SMARCA2: variants seen among roughly 807,000 people sequenced by gnomAD.
The protein encoded by SMARCA2 is SWI/SNF-related matrix-associated actin-dependent regulator of chromatin subfamily A member 2.
In SMARCA2, 61 loss-of-function variants were observed where a neutral mutation model predicts 199.8. The observed-to-expected ratio is 0.31, with a 90% CI of 0.25 to 0.38. The LOEUF (loss-of-function observed/expected upper bound fraction) is 0.38, where lower values mean the gene tolerates loss of function less well. Ranked by LOEUF, SMARCA2 falls within the 10% of genes least tolerant of loss-of-function variation. SMARCA2 has a pLI of 1.00. For missense variants in SMARCA2, 1,344 were observed against 2,012.2 expected (o/e 0.67, Z 6.35); for synonymous variants, 935 against 732.0 (o/e 1.28, Z -4.48).
In SMARCA2 at chr9:2,110,541, G is replaced by C; in HGVS notation, c.3456+124G>C. On this transcript the variant is annotated intron_variant, in intron 24 of 33. Transcript: ENST00000349721. The surrounding 1 kb of genome is among the most constrained non-coding windows in gnomAD (Gnocchi z 4.8). ...AAACGAGTGGGCTGTTGCTTTCTTG[G>C]AGCCAATTCTTCTGGCTGTTTTCTT... is the stretch of plus-strand genomic sequence containing the variant. 1.4e-6 allele frequency: 1 copy of C among 699,808 alleles called. No homozygotes were observed. 43.3% of individuals were successfully genotyped at this position (699,808 alleles called of 1,614,324 possible).
At chr9:2,107,715 G>T (rs1777652692) in intron 23 of SMARCA2, among the ~76,000 whole-genome samples, 1 of 152,070 alleles carries the variant, frequency 6.6e-6, no homozygotes. Context: ...AATTTTATTT[G>T]GATATTCCTT....
At chr9:2,074,736 G>T (rs1020134453) in intron 12 of SMARCA2, among the ~76,000 whole-genome samples, 1 of 152,154 alleles carries the variant, frequency 6.6e-6, no homozygotes, top group Admixed American at 6.5e-5. Context: ...GCGTGGTGAC[G>T]CATGCCCGCA....
intron 27 of SMARCA2, chr9:2,160,317 G>A (rs983010931): frequency 2.0e-5 from 8 of 405,166 alleles, no homozygotes; most frequent in South Asian, 1.0e-4. Context: ...ATTGTCTTTT[G>A]ATTATTAAGG....
At chr9:2,172,398 G>A (rs1407825748) in intron 29 of SMARCA2, among the ~76,000 whole-genome samples, 1 of 151,798 alleles carries the variant, frequency 6.6e-6, no homozygotes, top group Non-Finnish European at 1.5e-5. Flanking sequence ...TGTGAGCAGA[G>A]TGGGAGTTTC....
chr9:2,152,586 T>C (rs1825133815), intron 27 of SMARCA2, among the ~76,000 whole-genome samples: 1 of 151,306 alleles, frequency 6.6e-6, no homozygotes, highest in Non-Finnish European at 1.5e-5. Flanking sequence ...GTGCATTGGC[T>C]CACACCTGTA....
intron 14 of SMARCA2, among the ~76,000 whole-genome samples, chr9:2,078,238 G>T (rs1048199000): frequency 6.6e-6 from 1 of 152,156 alleles, no homozygotes; most frequent in Non-Finnish European, 1.5e-5. Context: ...TTGGGAGGCT[G>T]AGGTGGGTGG....
chr9:2,097,286 TG>T, intron 20 of SMARCA2, 98 bp from the exon 21 acceptor site: 1 of 738,496 alleles, frequency 1.4e-6, no homozygotes, highest in South Asian at 1.8e-5. Context: ...AAAAAACCTA[TG>T]GTCCTTTGTC....
At chr9:2,078,048 T>A (rs535012695) in intron 14 of SMARCA2, among the ~76,000 whole-genome samples, 11 of 152,334 alleles carry the variant, frequency 7.2e-5, no homozygotes, top group African/African-American at 2.4e-4. Flanking sequence ...CCAGCCACAT[T>A]CTATTAAACT....
At chr9:2,033,271 T>G (rs1201034576) in intron 3 of SMARCA2, 190 bp downstream of exon 3, 4 of 564,708 alleles carry the variant, frequency 7.1e-6, no homozygotes, top group Non-Finnish European at 1.2e-5. Flanking sequence ...GAAATTTTAT[T>G]TCCGAAGTCC....
At chr9:2,038,878 G>A (rs1490962000) in intron 3 of SMARCA2, among the ~76,000 whole-genome samples, 2 of 152,256 alleles carry the variant, frequency 1.3e-5, no homozygotes, top group South Asian at 2.1e-4. Context: ...TTCATAACAT[G>A]CATAATAATA....
intron 28 of SMARCA2, among the ~76,000 whole-genome samples, chr9:2,165,413 G>C (rs1023584274): frequency 1.6e-4 from 25 of 152,124 alleles, no homozygotes; most frequent in African/African-American, 5.6e-4. Context: ...TTTTAAAAAG[G>C]AGGGTGCTTC....
intron 27 of SMARCA2, among the ~76,000 whole-genome samples, chr9:2,139,059 T>C (rs1335873092): frequency 6.6e-6 from 1 of 152,212 alleles, no homozygotes; most frequent in Admixed American, 6.5e-5. Context: ...AGATGAGTCC[T>C]GTGTGCTGAC....
intron 27 of SMARCA2, among the ~76,000 whole-genome samples, chr9:2,136,754 A>G (rs1824213787): frequency 3.3e-5 from 5 of 152,204 alleles, no homozygotes. Flanking sequence ...TGTCAAGAGC[A>G]GGTCTCCAAG....
At chr9:2,037,293 C>G (rs1819376881) in intron 3 of SMARCA2, among the ~76,000 whole-genome samples, 1 of 152,190 alleles carries the variant, frequency 6.6e-6, no homozygotes, top group South Asian at 2.1e-4. Context: ...GTCTTGCAAG[C>G]TTTCAAGGGA....
intron 6 of SMARCA2, among the ~76,000 whole-genome samples, chr9:2,055,892 A>C (rs4741640): frequency 0.41 from 62,500 of 152,048 alleles, 15,163 homozygotes; most frequent in African/African-American, 0.69. Flanking sequence ...CGTTGCCATG[A>C]CGGACTCTTA....
rs1043684014 is a variant in SMARCA2, at chr9:2,161,251, G to A, written c.3982-435G>A. Among the ~76,000 whole-genome samples the A allele has an allele frequency of 2.0e-5, 3 of 152,252 alleles. No homozygotes were observed. Among genetic ancestry groups the A allele is most frequent in the Admixed American group, 1.3e-4 (2 of 15,292 alleles). The stretch of plus-strand genomic sequence containing the variant: ...AGAAAAGGTCAAAGCTTATATGATC[G>A]TGTGGATGTATTCTTAGGGATTGTT... On this transcript the variant is annotated intron_variant, in intron 27 of 33. Coordinates refer to ENST00000349721, the MANE Select transcript of SMARCA2 (RefSeq NM_003070.5). This position sits in a 1 kb window ranked among gnomAD's most constrained non-coding sequence, Gnocchi z 4.7.
chr9:2,090,834 C>A (rs1822023244), intron 19 of SMARCA2, among the ~76,000 whole-genome samples: 1 of 151,694 alleles, frequency 6.6e-6, no homozygotes, highest in South Asian at 2.1e-4. Context: ...TGTTCATTTT[C>A]TACTTTTTCA....
rs1057195187 is a variant in SMARCA2 at position 2,157,649 on chromosome 9, C to T, written c.3982-4037C>T. 5 of 373,228 alleles carry T rather than the reference C, an allele frequency of 1.3e-5. No homozygotes were observed. In the Admixed American group the frequency reaches 1.8e-4, roughly 14 times the overall value. 23.1% of individuals were successfully genotyped at this position (373,228 alleles called of 1,614,324 possible). ...TTCAGTGTTAAGATGGTTTGTTCCA[C>T]TGTAAGGACTGTGCCACATGGCTTG... On this transcript the variant is annotated intron_variant, in intron 27 of 33. Transcript: ENST00000349721.
At chr9:2,068,675 G>T (rs1338265545) in intron 9 of SMARCA2, among the ~76,000 whole-genome samples, 1 of 151,638 alleles carries the variant, frequency 6.6e-6, no homozygotes, top group East Asian at 1.9e-4. Flanking sequence ...GAGCCCAAGG[G>T]AGGAAAGCTC....
Sources: allele counts gnomAD v4.1 joint callset (sites outside exome capture counted in the v4.1 genomes callset), GRCh38; gene constraint gnomAD v4.1.1; non-coding constraint Gnocchi (gnomAD v3.1); transcripts MANE v1.5; gene names NCBI Gene and HGNC (gene_info 2026-07-23, HGNC 2026-07-21).